The following CCDC171 variants were observed in gnomAD, a reference collection of about 807,000 sequenced individuals.
The protein encoded by CCDC171 is coiled-coil domain containing 171.
CCDC171 carries 177 observed loss-of-function variants against 168.2 expected under a neutral mutation model. The ratio of observed to expected loss-of-function variants is 1.05; its 90% CI spans 0.93 to 1.19. The LOEUF (loss-of-function observed/expected upper bound fraction) is 1.19, where lower values mean the gene tolerates loss of function less well. Among genes scored for constraint, CCDC171 ranks in the 50% most tolerant of loss-of-function variants. The pLI is 0.00. For synonymous variants in CCDC171, 687 were observed against 540.8 expected (o/e 1.27, Z -3.75); for missense variants, 1,991 against 1,539.0 (o/e 1.29, Z -4.91).
At chr9:15,778,094 G>C (rs1360008748) in intron 19 of CCDC171, among the ~76,000 whole-genome samples, 4 of 142,894 alleles carry the variant, frequency 2.8e-5, no homozygotes, top group Non-Finnish European at 4.6e-5. Flanking sequence ...TCAGGAGATC[G>C]AGACCATCCT....
intron 24 of CCDC171, among the ~76,000 whole-genome samples, chr9:15,880,367 C>T (rs939189815): frequency 6.6e-6 from 1 of 151,980 alleles, no homozygotes; most frequent in Non-Finnish European, 1.5e-5. Context: ...TGTATATTTA[C>T]ATGGTACAGA....
At chr9:15,810,158 C>G (rs906116090) in intron 21 of CCDC171, among the ~76,000 whole-genome samples, 1 of 151,634 alleles carries the variant, frequency 6.6e-6, no homozygotes, top group African/African-American at 2.4e-5. Flanking sequence ...TTACAATCCT[C>G]TAGCTAGACA....
rs560327637 is a variant in CCDC171 at position 15,888,249 on chromosome 9, A to AT, written c.3600+13594dup. ...GATGTGATTTTCACATCCTGACTTA[A>AT]TTTTTTTTGGTTGCAATAATTAGAA... is the stretch of plus-strand genomic sequence containing the variant. On this transcript the variant is annotated intron_variant, in intron 24 of 25. Transcript: ENST00000380701. 5.3e-5 allele frequency among the ~76,000 whole-genome samples: 8 copies of AT among 152,110 alleles called. No homozygotes were observed. The South Asian group carries it at 1.5e-3, about 28-fold the overall frequency.
At chr9:15,684,660 C>T (rs1454054378) in intron 10 of CCDC171, among the ~76,000 whole-genome samples, 4 of 151,912 alleles carry the variant, frequency 2.6e-5, no homozygotes, top group Non-Finnish European at 5.9e-5. Flanking sequence ...ATGAAACAAA[C>T]AAAAAAGAAT....
intron 11 of CCDC171, among the ~76,000 whole-genome samples, chr9:15,706,453 A>G (rs569952038): frequency 2.2e-4 from 34 of 151,832 alleles, no homozygotes; most frequent in African/African-American, 8.2e-4. Flanking sequence ...ATGCTTGGCT[A>G]AATTTTGTAT....
chr9:15,901,860 A>T (rs879290408), intron 24 of CCDC171, among the ~76,000 whole-genome samples: 1 of 152,194 alleles, frequency 6.6e-6, no homozygotes, highest in Non-Finnish European at 1.5e-5. Flanking sequence ...GTGAATCTAT[A>T]TATTAAATTA....
At chr9:16,031,106 C>A (rs1267950803) in intron 6 of CCDC171, among the ~76,000 whole-genome samples, 3 of 152,276 alleles carry the variant, frequency 2.0e-5, no homozygotes, top group East Asian at 3.9e-4. Flanking sequence ...TGCCCACTTT[C>A]TCTTCTTTCT....
At chr9:16,102,693 C>T in the CCDC171 span, among the ~76,000 whole-genome samples, 9 of 152,170 alleles carry the variant, frequency 5.9e-5, no homozygotes, top group Non-Finnish European at 8.8e-5. Flanking sequence ...AAATGTTCTT[C>T]TGCTTATGGA....
intron 25 of CCDC171, among the ~76,000 whole-genome samples, chr9:15,952,564 A>G (rs994625721): frequency 2.6e-5 from 4 of 151,928 alleles, no homozygotes; most frequent in Admixed American, 1.3e-4. Flanking sequence ...AGCCCGGCTA[A>G]TTTTGTACTT....
At chr9:16,049,103 T>C (rs12000564) in intron 1 of CCDC171, among the ~76,000 whole-genome samples, 2,486 of 152,304 alleles carry the variant, frequency 0.016, 65 homozygotes, top group African/African-American at 0.058. Context: ...CAGATTAAAA[T>C]CCTGAATGTT....
chr9:15,938,427 C>A (rs753578247), intron 25 of CCDC171, among the ~76,000 whole-genome samples: 4 of 151,276 alleles, frequency 2.6e-5, no homozygotes, highest in Non-Finnish European at 4.4e-5. Flanking sequence ...CAGTTTTCTA[C>A]GAAAAAAAAT....
chr9:15,635,933 G>A, intron 7 of CCDC171, among the ~76,000 whole-genome samples: 1 of 152,064 alleles, frequency 6.6e-6, no homozygotes, highest in Non-Finnish European at 1.5e-5. Flanking sequence ...AGTTTCTCTA[G>A]ATCCTCACCA....
At chr9:16,078,681 G>A in the CCDC171 span, among the ~76,000 whole-genome samples, 1 of 152,264 alleles carries the variant, frequency 6.6e-6, no homozygotes, top group East Asian at 1.9e-4. Flanking sequence ...CCTAGTCATA[G>A]CACCACCATT....
chr9:15,718,123 C>T (rs1314404978), intron 11 of CCDC171, among the ~76,000 whole-genome samples: 2 of 152,126 alleles, frequency 1.3e-5, no homozygotes, highest in African/African-American at 4.8e-5. Context: ...GGATGATTCC[C>T]AGACCTGGCA....
At chr9:15,768,544 G>A (rs1363341357) in intron 18 of CCDC171, among the ~76,000 whole-genome samples, 4 of 152,214 alleles carry the variant, frequency 2.6e-5, no homozygotes, top group South Asian at 2.1e-4. Flanking sequence ...TCATTTGGAC[G>A]AGAGTTATTG....
At chr9:15,601,929 T>C (rs1242433340) in intron 6 of CCDC171, among the ~76,000 whole-genome samples, 2 of 152,248 alleles carry the variant, frequency 1.3e-5, no homozygotes, top group Non-Finnish European at 2.9e-5. Context: ...AGATCAGTCC[T>C]GTAAATCCTA....
intron 18 of CCDC171, among the ~76,000 whole-genome samples, chr9:15,766,636 G>T (rs982100138): frequency 9.4e-5 from 14 of 148,566 alleles, no homozygotes; most frequent in African/African-American, 3.5e-4. Context: ...GATTCTCTTA[G>T]TTACATTTAT....
At chr9:16,015,858 C>A (rs185267674) in intron 3 of CCDC171, among the ~76,000 whole-genome samples, 136 of 152,264 alleles carry the variant, frequency 8.9e-4, no homozygotes, top group African/African-American at 3.0e-3. Flanking sequence ...AATAAGTTGA[C>A]TCCTACAGTG....
intron 9 of CCDC171, among the ~76,000 whole-genome samples, chr9:15,668,589 TAACTA>T (rs1185226343): frequency 6.6e-6 from 1 of 152,112 alleles, no homozygotes; most frequent in East Asian, 1.9e-4. Context: ...TGACAAGTAA[TAACTA>T]AACCCAATAA....
Sources: allele counts gnomAD v4.1 joint callset (sites outside exome capture counted in the v4.1 genomes callset), GRCh38; gene constraint gnomAD v4.1.1; transcripts MANE v1.5; gene names NCBI Gene and HGNC (gene_info 2026-07-23, HGNC 2026-07-21).